Variants in EGLN1 observed in about 807,000 individuals in gnomAD.
EGLN1 encodes the protein egl-9 family hypoxia inducible factor 1.
In EGLN1, 17 loss-of-function variants were observed where a neutral mutation model predicts 38.3. The observed-to-expected ratio is 0.44, with a 90% CI of 0.30 to 0.67. The LOEUF (loss-of-function observed/expected upper bound fraction) is 0.67. EGLN1 is among the 30% of genes least tolerant of loss of function. The probability of loss-of-function intolerance (pLI) is 0.08; values close to 1 mark genes in which losing one functional copy is unlikely to be tolerated. For missense variants in EGLN1, 477 were observed against 603.3 expected (o/e 0.79, Z 2.19); for synonymous variants, 283 against 257.5 (o/e 1.10, Z -0.95).
chr1:231,410,944 G>A (rs1688925809), intron 1 of EGLN1, among the ~76,000 whole-genome samples: 1 of 151,980 alleles, frequency 6.6e-6, no homozygotes, highest in Non-Finnish European at 1.5e-5. Flanking sequence ...ATTGGTAGAA[G>A]ACATCACACA....
At chr1:231,389,460 G>A (rs372043828) in intron 1 of EGLN1, among the ~76,000 whole-genome samples, 102 of 152,234 alleles carry the variant, frequency 6.7e-4, no homozygotes, top group African/African-American at 2.3e-3. Context: ...GCAATATCCA[G>A]CGAGTAACAG....
At chr1:231,410,278 T>C (rs750156614) in intron 1 of EGLN1, among the ~76,000 whole-genome samples, 48 of 151,958 alleles carry the variant, frequency 3.2e-4, no homozygotes, top group Non-Finnish European at 5.0e-4. Context: ...GCATACTTTA[T>C]TGAAGAAAGC....
chr1:231,370,835 C>A (rs1236073920), intron 2 of EGLN1, 137 bp from the exon 3 acceptor site: 2 of 1,008,074 alleles, frequency 2.0e-6, no homozygotes, highest in Non-Finnish European at 3.0e-6. Flanking sequence ...TGAAGATGAG[C>A]TGCAATTTTA....
chr1:231,372,521 G>C (rs1687853088), intron 2 of EGLN1, among the ~76,000 whole-genome samples: 1 of 152,112 alleles, frequency 6.6e-6, no homozygotes, highest in Non-Finnish European at 1.5e-5. Flanking sequence ...TAGCTTTCTA[G>C]CTATTCACAA....
At chr1:231,388,753 C>T (rs1478514175) in intron 1 of EGLN1, among the ~76,000 whole-genome samples, 2 of 152,140 alleles carry the variant, frequency 1.3e-5, no homozygotes, top group African/African-American at 2.4e-5. Flanking sequence ...CTCCTGAGTT[C>T]AAGCGATTCT....
At chr1:231,387,092 C>T (rs1004742415) in intron 1 of EGLN1, among the ~76,000 whole-genome samples, 6 of 151,482 alleles carry the variant, frequency 4.0e-5, no homozygotes, top group African/African-American at 1.5e-4. Flanking sequence ...CTCCTGGCCT[C>T]ACGCAATCCT....
At chr1:231,372,856 T>C (rs1226491990) in intron 2 of EGLN1, among the ~76,000 whole-genome samples, 2 of 152,146 alleles carry the variant, frequency 1.3e-5, no homozygotes, top group East Asian at 3.8e-4. Context: ...CAGTTTCCAT[T>C]TGTGTGTTTT....
At chr1:231,407,200 C>T (rs1688822571) in intron 1 of EGLN1, among the ~76,000 whole-genome samples, 1 of 152,194 alleles carries the variant, frequency 6.6e-6, no homozygotes, top group Non-Finnish European at 1.5e-5. Context: ...TTTATCTACA[C>T]TCCACCATGG....
chr1:231,409,074 T>C (rs887861582), intron 1 of EGLN1, among the ~76,000 whole-genome samples: 1 of 151,254 alleles, frequency 6.6e-6, no homozygotes, highest in African/African-American at 2.4e-5. Flanking sequence ...AGAGTGTAAA[T>C]GGGAATGAGG....
At chr1:231,418,217 A>G (rs1301100374) in intron 1 of EGLN1, among the ~76,000 whole-genome samples, 1 of 152,238 alleles carries the variant, frequency 6.6e-6, no homozygotes, top group Non-Finnish European at 1.5e-5. Flanking sequence ...GGATAAATAC[A>G]AAAGTGGCTT....
rs536277432 is a variant in EGLN1, at chr1:231,411,399, G to C, written c.891+9599C>G. Among the ~76,000 whole-genome samples the C allele has an allele frequency of 5.9e-5, 9 of 152,218 alleles. No individual in the cohort carries two copies. The East Asian group carries it at 1.7e-3, about 29-fold the overall frequency. ...TTTCTTTATAAATTACCCAGTCTCAGGTCTTCACAGCAGTGTGAAAACAGA... is the reference window on the plus strand; with the variant it reads ...TTTCTTTATAAATTACCCAGTCTCACGTCTTCACAGCAGTGTGAAAACAGA... On this transcript the variant is annotated intron_variant, in intron 1 of 4. Transcript: ENST00000366641.
chr1:231,419,369 T>C (rs1281944337), intron 1 of EGLN1, among the ~76,000 whole-genome samples: 4 of 152,158 alleles, frequency 2.6e-5, no homozygotes, highest in African/African-American at 9.7e-5. Context: ...CAGCTTAACT[T>C]GGAAAGCTAA....
chr1:231,378,127 A>T (rs1221361338), intron 1 of EGLN1, among the ~76,000 whole-genome samples: 2 of 152,132 alleles, frequency 1.3e-5, no homozygotes, highest in Non-Finnish European at 2.9e-5. Context: ...GGAAGAAGGG[A>T]GAGGGGATGA....
chr1:231,371,164 A>C (rs1178415800), intron 2 of EGLN1, among the ~76,000 whole-genome samples: 2 of 152,214 alleles, frequency 1.3e-5, no homozygotes, highest in Non-Finnish European at 2.9e-5. Context: ...TGCTGGTATT[A>C]CAGGTGTGAG....
intron 1 of EGLN1, among the ~76,000 whole-genome samples, chr1:231,385,031 G>A (rs372651419): frequency 1.7e-4 from 26 of 152,312 alleles, no homozygotes; most frequent in African/African-American, 4.3e-4. Flanking sequence ...GTGGTACAAC[G>A]ATCACTTGGA....
chr1:231,412,011 C>CAAAAAAAAAAAAAAAAAAAA (rs747472895), intron 1 of EGLN1, among the ~76,000 whole-genome samples: 1 of 33,666 alleles, frequency 3.0e-5, no homozygotes, highest in African/African-American at 8.9e-5. Flanking sequence ...GACTCCATCT[C>CAAAAAAAAAAAAAAAAAAAA]AAAAAAAAAA....
intron 3 of EGLN1, among the ~76,000 whole-genome samples, chr1:231,368,033 A>C (rs1044889747): frequency 1.3e-5 from 2 of 152,034 alleles, no homozygotes; most frequent in African/African-American, 2.4e-5. Flanking sequence ...AAAAAGAAAA[A>C]AAAAATTAGC....
At chr1:231,389,583 T>C (rs1688315037) in intron 1 of EGLN1, among the ~76,000 whole-genome samples, 1 of 152,218 alleles carries the variant, frequency 6.6e-6, no homozygotes, top group Admixed American at 6.5e-5. Context: ...TAGCACCTTC[T>C]AGTTTGTAAA....
At chr1:231,378,671 C>T (rs192254318) in intron 1 of EGLN1, among the ~76,000 whole-genome samples, 15 of 152,240 alleles carry the variant, frequency 9.9e-5, no homozygotes, top group Non-Finnish European at 2.1e-4. Flanking sequence ...GGAAGAGGTC[C>T]GCAATGCCTC....
Sources: allele counts gnomAD v4.1 joint callset (sites outside exome capture counted in the v4.1 genomes callset), GRCh38; gene constraint gnomAD v4.1.1; transcripts MANE v1.5; gene names NCBI Gene and HGNC (gene_info 2026-07-23, HGNC 2026-07-21).